Variants in EPC2 observed in about 807,000 individuals in gnomAD.
The protein encoded by EPC2 is enhancer of polycomb homolog 2.
A neutral mutation model predicts 92.1 loss-of-function variants in EPC2; 14 were observed. That is an observed-to-expected ratio of 0.15 (90% CI 0.10 to 0.24). The LOEUF is 0.24. Ranked by LOEUF, EPC2 falls within the 10% of genes least tolerant of loss-of-function variation. EPC2 has a pLI of 1.00. For missense variants in EPC2, 755 were observed against 971.5 expected, an observed-to-expected ratio of 0.78 and a Z score of 2.96; for synonymous variants, 340 against 334.7, an observed-to-expected ratio of 1.02 and a Z score of -0.17.
At chr2:148,727,735 C>T (rs1682525787) in intron 2 of EPC2, among the ~76,000 whole-genome samples, 1 of 152,154 alleles carries the variant, frequency 6.6e-6, no homozygotes, top group South Asian at 2.1e-4. Context: ...GGGAGAATCT[C>T]AGATGATAAC....
rs1574599424 is a variant in EPC2 at position 148,713,355 on chromosome 2, T to A, written c.313+22982T>A. Among the ~76,000 whole-genome samples the A allele has an allele frequency of 2.6e-5, 4 of 152,118 alleles. No individual in the cohort carries two copies. The East Asian group carries it at 7.7e-4, about 29-fold the overall frequency. On this transcript the variant is annotated intron_variant, in intron 2 of 13. Coordinates refer to ENST00000258484, the MANE Select transcript of EPC2 (RefSeq NM_015630.4). ...TGTCTTAGTTTTTGACACAAAAAAA[T>A]TTATAAATAAGAAAAAGCTTATAGA...
chr2:148,655,707 A>G (rs1680779200), intron 1 of EPC2, among the ~76,000 whole-genome samples: 1 of 152,178 alleles, frequency 6.6e-6, no homozygotes. Flanking sequence ...CCTGAGGTTC[A>G]GAAATCTTCA....
rs115942262 is a variant in EPC2 at position 148,711,777 on chromosome 2, A to C, written c.313+21404A>C. On this transcript the variant is annotated intron_variant, in intron 2 of 13. Coordinates refer to ENST00000258484, the MANE Select transcript of EPC2 (RefSeq NM_015630.4). ...AGTTTGTTGCTCTGTCGTTAGGCAC[A>C]TGCACATTAGGGATTGTTATATCTT... is the stretch of plus-strand genomic sequence containing the variant. 7.2e-3 allele frequency among the ~76,000 whole-genome samples: 1,091 copies of C among 152,296 alleles called. 6 individuals carry two copies. The highest frequency in any genetic ancestry group is 0.025 in the African/African-American group (1,025 of 41,566).
chr2:148,744,468 A>G (rs1386748875), intron 3 of EPC2, among the ~76,000 whole-genome samples: 1 of 152,150 alleles, frequency 6.6e-6, no homozygotes, highest in Non-Finnish European at 1.5e-5. Flanking sequence ...AAGGATGTCT[A>G]GTGCCATAGG....
Position 148,724,386 on chromosome 2 carries a change from T to C in EPC2, c.314-19236T>C, listed in dbSNP as rs115972408. The stretch of plus-strand genomic sequence containing the variant: ...ATCTCAAACATTTATCATTTCTTTG[T>C]GGGGAACATTCAGTTATCCATCAAT... On this transcript the variant is annotated intron_variant, in intron 2 of 13. Transcript: ENST00000258484. 7.1e-3 allele frequency among the ~76,000 whole-genome samples: 1,086 copies of C among 152,252 alleles called. 5 individuals carry two copies. Among genetic ancestry groups the C allele is most frequent in the African/African-American group, 0.025 (1,021 of 41,560 alleles).
chr2:148,752,072 A>G (rs1336591011), intron 3 of EPC2, among the ~76,000 whole-genome samples: 1 of 152,198 alleles, frequency 6.6e-6, no homozygotes, highest in East Asian at 1.9e-4. Flanking sequence ...TTTAATCTCA[A>G]CATACCATGC....
At chr2:148,731,837 A>G (rs1412619020) in intron 2 of EPC2, among the ~76,000 whole-genome samples, 1 of 152,252 alleles carries the variant, frequency 6.6e-6, no homozygotes, top group Non-Finnish European at 1.5e-5. Context: ...AACAAAAATA[A>G]TCTTTTGATT....
chr2:148,662,291 A>G (rs1680953735), intron 1 of EPC2, among the ~76,000 whole-genome samples: 1 of 152,192 alleles, frequency 6.6e-6, no homozygotes, highest in African/African-American at 2.4e-5. Flanking sequence ...TAGAAATACC[A>G]TTTGACCCAG....
At chr2:148,678,311 C>G (rs1023964344) in intron 1 of EPC2, among the ~76,000 whole-genome samples, 3 of 152,248 alleles carry the variant, frequency 2.0e-5, no homozygotes, top group African/African-American at 7.2e-5. Flanking sequence ...CACGTCCCCA[C>G]CAGACTCAGG....
chr2:148,658,311 C>T (rs35546668), intron 1 of EPC2, among the ~76,000 whole-genome samples: 27,808 of 151,812 alleles, frequency 0.18, 3,279 homozygotes, highest in East Asian at 0.49. Context: ...GCACCATACT[C>T]GGGGGCACCT....
At chr2:148,656,029 G>A (rs866124532) in intron 1 of EPC2, among the ~76,000 whole-genome samples, 2 of 130,374 alleles carry the variant, frequency 1.5e-5, no homozygotes, top group Non-Finnish European at 3.3e-5. Flanking sequence ...GTGTGTGGGG[G>A]GGGGGGGGGT....
At chr2:148,776,345 A>G (rs1254264743) in intron 10 of EPC2, among the ~76,000 whole-genome samples, 1 of 152,186 alleles carries the variant, frequency 6.6e-6, no homozygotes, top group Non-Finnish European at 1.5e-5. Flanking sequence ...AATTGTAAAT[A>G]TTTGGCTTGG....
chr2:148,750,038 C>G (rs1020499993), intron 3 of EPC2, among the ~76,000 whole-genome samples: 17 of 152,016 alleles, frequency 1.1e-4, no homozygotes, highest in African/African-American at 3.9e-4. Flanking sequence ...TCCTAAACGG[C>G]AGATTAATAG....
chr2:148,685,883 T>TA (rs1170651355), intron 1 of EPC2, among the ~76,000 whole-genome samples: 2 of 152,250 alleles, frequency 1.3e-5, no homozygotes, highest in Non-Finnish European at 2.9e-5. Context: ...GCCCTATTGC[T>TA]AAAAAATGGT....
At chr2:148,677,400 C>T (rs1034788168) in intron 1 of EPC2, among the ~76,000 whole-genome samples, 3 of 152,168 alleles carry the variant, frequency 2.0e-5, no homozygotes, top group African/African-American at 4.8e-5. Context: ...ATAAGGCCAG[C>T]ATGCTGGCTC....
At chr2:148,699,252 T>C (rs1005534509) in intron 2 of EPC2, among the ~76,000 whole-genome samples, 24 of 152,262 alleles carry the variant, frequency 1.6e-4, no homozygotes, top group African/African-American at 5.3e-4. Context: ...CACTTTCTCC[T>C]ACTATTAGTA....
At chr2:148,740,279 A>T (rs560041533) in intron 2 of EPC2, among the ~76,000 whole-genome samples, 1 of 151,468 alleles carries the variant, frequency 6.6e-6, no homozygotes, top group Non-Finnish European at 1.5e-5. Context: ...GGTATGACTG[A>T]AGTAATCACT....
chr2:148,759,704 T>G (rs1386498772), intron 4 of EPC2, among the ~76,000 whole-genome samples: 5 of 152,148 alleles, frequency 3.3e-5, no homozygotes, highest in African/African-American at 4.8e-5. Context: ...TTTATAGATG[T>G]GTGTGTTTAT....
At chr2:148,663,115 G>A (rs1488541509) in intron 1 of EPC2, among the ~76,000 whole-genome samples, 1 of 151,132 alleles carries the variant, frequency 6.6e-6, no homozygotes, top group Non-Finnish European at 1.5e-5. Context: ...ACACTCTTGT[G>A]GGAAAGAATG....
Sources: allele counts gnomAD v4.1 joint callset (sites outside exome capture counted in the v4.1 genomes callset), GRCh38; gene constraint gnomAD v4.1.1; transcripts MANE v1.5; gene names NCBI Gene and HGNC (gene_info 2026-07-23, HGNC 2026-07-21).